HPS1: variants seen among roughly 807,000 people sequenced by gnomAD.
HPS1 encodes the protein BLOC-3 complex member HPS1.
In HPS1, 59 loss-of-function variants were observed where a neutral mutation model predicts 90.6. The observed-to-expected ratio is 0.65, with a 90% confidence interval of 0.53 to 0.81. HPS1 has a LOEUF of 0.81. Among genes scored for constraint, HPS1 ranks in the 30% least tolerant of loss-of-function variants. The pLI is 0.00. For missense variants in HPS1, 849 were observed against 896.7 expected (o/e 0.95, Z 0.68); for synonymous variants, 388 against 384.4 (o/e 1.01, Z -0.11).
chr10:98,432,166 A>AC (rs1846571870), intron 6 of HPS1, among the ~76,000 whole-genome samples: 1 of 152,210 alleles, frequency 6.6e-6, no homozygotes, highest in African/African-American at 2.4e-5. Context: ...ATAGGCAGCG[A>AC]TAGATCACAC....
intron 12 of HPS1, 40 bp downstream of exon 12, chr10:98,425,778 A>T: frequency 1.9e-6 from 3 of 1,603,242 alleles, no homozygotes; most frequent in African/African-American, 2.7e-5. Flanking sequence ...AGACGTGCCA[A>T]CCCTAAGCAT....
At chr10:98,415,084 G>T (rs117431460), downstream of HPS1, 11 of 1,614,002 alleles carry the variant, frequency 6.8e-6, no homozygotes, top group African/African-American at 1.3e-5. Context: ...CTCCACGCCG[G>T]GAAGGGAGAG....
Position 98,443,180 on chromosome 10 carries a change from C to T in HPS1, c.61G>A (p.Glu21Lys). The T allele has an allele frequency of 6.2e-7, 1 of 1,614,134 alleles. No homozygotes were observed. Among genetic ancestry groups the T allele is most frequent in the Non-Finnish European group, 8.5e-7 (1 of 1,180,016 alleles). ...TTCAGCCGGAGACTCTCTTCAAACT[C>T]CTGATCTGTCCAGTAGAAGAGGACC... ...AEVLFYWTDQ[E>K]FEESLRLKFG... The change falls in exon 3 of 20, where the codon GAG becomes AAG. Residue 21 changes from glutamate to lysine, a missense_variant. Transcript: ENST00000361490.
At chr10:98,426,048 C>T in intron 11 of HPS1, 63 bp from the exon 12 acceptor site, 2 of 1,428,266 alleles carry the variant, frequency 1.4e-6, no homozygotes, top group Middle Eastern at 4.3e-4. Context: ...CCCATTGCGG[C>T]CCTATCTGTG....
At chr10:98,426,046 G>T in intron 11 of HPS1, 61 bp from the exon 12 acceptor site, 1 of 1,434,054 alleles carries the variant, frequency 7.0e-7, no homozygotes, top group Non-Finnish European at 9.8e-7. Context: ...CACCCATTGC[G>T]GCCCTATCTG....
downstream of HPS1, chr10:98,414,031 T>C (rs1244055243): frequency 6.6e-6 from 1 of 151,994 alleles, no homozygotes; most frequent in East Asian, 1.9e-4. Flanking sequence ...AGCATGTGTA[T>C]ATGTGTATAT....
chr10:98,431,813 C>T (rs886653950), intron 6 of HPS1, among the ~76,000 whole-genome samples: 2 of 152,034 alleles, frequency 1.3e-5, no homozygotes, highest in African/African-American at 4.8e-5. Context: ...CCAGTGACCA[C>T]ATTAAAAAAG....
intron 10 of HPS1, 46 bp from the exon 11 acceptor site, chr10:98,427,310 G>A (rs1564841782): frequency 1.3e-6 from 2 of 1,482,106 alleles, no homozygotes; most frequent in Non-Finnish European, 9.2e-7. Flanking sequence ...ACCATGAGAT[G>A]TAAGCAATGG....
At chr10:98,430,725 C>G in intron 7 of HPS1, 55 bp from the exon 8 acceptor site, 1 of 1,451,268 alleles carries the variant, frequency 6.9e-7, no homozygotes, top group Non-Finnish European at 9.4e-7. Flanking sequence ...GGAGACGGGG[C>G]AGGCAGGTTA....
In HPS1 at chr10:98,445,115, T is replaced by C. The variant is rs1939251350; in HGVS notation, c.-1+185A>G. Among the ~76,000 whole-genome samples, 1 of 151,216 alleles carries C rather than the reference T, an allele frequency of 6.6e-6. No homozygotes were observed. Among genetic ancestry groups the C allele is most frequent in the African/African-American group, 2.4e-5 (1 of 41,022 alleles). ...TGATGACCTGCCTGGATTCGAGGGG[T>C]GAAGGAGAGATGAGGCATCAGGATG... On this transcript the variant is annotated intron_variant, in intron 2 of 19. Transcript: ENST00000361490. The surrounding 1 kb of genome is among the most constrained non-coding windows in gnomAD (Gnocchi z 4.5).
At chr10:98,426,024 C>G in intron 11 of HPS1, 39 bp from the exon 12 acceptor site, 1 of 1,585,734 alleles carries the variant, frequency 6.3e-7, no homozygotes, top group Non-Finnish European at 8.7e-7. Context: ...GGTGGGATCC[C>G]TAAGTTGGAC....
chr10:98,427,298 G>T (rs1446003764), intron 10 of HPS1, 34 bp from the exon 11 acceptor site: 2 of 1,529,420 alleles, frequency 1.3e-6, no homozygotes, highest in Admixed American at 3.9e-5. Context: ...AACGATGTAA[G>T]TACCATGAGA....
intron 7 of HPS1, 51 bp from the exon 8 acceptor site, chr10:98,430,721 G>A (rs757606405): frequency 4.6e-5 from 66 of 1,447,720 alleles, no homozygotes; most frequent in Admixed American, 1.4e-4. Flanking sequence ...AGCAGGAGAC[G>A]GGGCAGGCAG....
downstream of HPS1, chr10:98,415,251 C>T: frequency 7.5e-7 from 1 of 1,326,828 alleles, no homozygotes. Flanking sequence ...CTGCAGTCCC[C>T]CTCCAGGCCC....
chr10:98,424,939 G>A (rs554132580), intron 13 of HPS1, among the ~76,000 whole-genome samples: 4 of 152,040 alleles, frequency 2.6e-5, no homozygotes, highest in African/African-American at 9.6e-5. Flanking sequence ...AACACCAGGC[G>A]CCTCCACTGC....
At chr10:98,425,460 C>T in intron 13 of HPS1, 81 bp downstream of exon 13, 1 of 1,440,396 alleles carries the variant, frequency 6.9e-7, no homozygotes, top group South Asian at 1.2e-5. Flanking sequence ...CCATTGGCCC[C>T]TCAGCTGCTG....
chr10:98,424,285 A>G (rs1210812334), intron 14 of HPS1, 28 bp downstream of exon 14: 1 of 1,586,868 alleles, frequency 6.3e-7, no homozygotes, highest in Non-Finnish European at 8.6e-7. Context: ...CACACGACCC[A>G]CCCCTTGTCC....
intron 2 of HPS1, among the ~76,000 whole-genome samples, chr10:98,443,988 G>A (rs533153052): frequency 6.6e-6 from 1 of 151,932 alleles, no homozygotes; most frequent in Non-Finnish European, 1.5e-5. Context: ...AGTGAGCCGA[G>A]ATTACACCAC....
intron 10 of HPS1, among the ~76,000 whole-genome samples, chr10:98,428,843 G>GTTTT (rs749935229): frequency 1.3e-5 from 2 of 149,314 alleles, no homozygotes; most frequent in Admixed American, 6.7e-5. Flanking sequence ...TTGTAGTTTT[G>GTTTT]TTTTGTTTTT....
Sources: gnomAD v4.1 joint callset for allele counts (sites outside exome capture counted in the v4.1 genomes callset) on GRCh38, gnomAD v4.1.1 for gene constraint, Gnocchi (gnomAD v3.1) non-coding constraint, MANE v1.5 for transcripts, NCBI Gene and HGNC (gene_info 2026-07-23, HGNC 2026-07-21) for gene names.